Variants in HHIP observed in about 807,000 individuals in gnomAD.
The protein encoded by HHIP is hedgehog interacting protein, also known as hedgehog-interacting protein.
HHIP carries 12 observed loss-of-function variants against 74.0 expected under a neutral mutation model. The ratio of observed to expected loss-of-function variants is 0.16; its 90% CI spans 0.10 to 0.26. The LOEUF (loss-of-function observed/expected upper bound fraction) is 0.26, where lower values mean the gene tolerates loss of function less well. HHIP is among the 10% of genes least tolerant of loss of function. The pLI, the probability that HHIP is intolerant of heterozygous loss-of-function variation, is 1.00. For synonymous variants in HHIP, 309 were observed against 311.6 expected (o/e 0.99, Z 0.09); for missense variants, 788 against 845.0 (o/e 0.93, Z 0.84).
chr4:144,740,187 T>G lies in HHIP; in HGVS notation c.*2230T>G, dbSNP rs1191204723. ...AAACAATAAGGATACTGCTATATAT[T>G]CAGTAAAATCTAAAAAAATCAAGCA... On this transcript the variant is annotated 3_prime_UTR_variant, in exon 13 of 13. Transcript: ENST00000296575. The G allele has an allele frequency of 6.6e-6, 1 of 152,182 alleles. No homozygotes were observed. Among genetic ancestry groups the G allele is most frequent in the Non-Finnish European group, 1.5e-5 (1 of 68,028 alleles). 9.4% of individuals were successfully genotyped at this position (152,182 alleles called of 1,614,324 possible). A position where few individuals can be genotyped will look rare whatever the true frequency, so the allele number is the denominator to read the frequency against.
At chr4:144,731,199 A>G (rs892775076) in intron 11 of HHIP, among the ~76,000 whole-genome samples, 1 of 152,144 alleles carries the variant, frequency 6.6e-6, no homozygotes, top group Admixed American at 6.5e-5. Context: ...ATCTTTACAC[A>G]ACAACATAGA....
In HHIP at chr4:144,659,685, G is replaced by A; in HGVS notation, c.678G>A (p.Leu226=). Reference sequence around the variant, plus strand: ...GTATTCAGGAGGTTGTGAGTGGGCTGCGGCAGCCCGTTGGTGCCCTGCATA... The same window carrying A: ...GTATTCAGGAGGTTGTGAGTGGGCTACGGCAGCCCGTTGGTGCCCTGCATA... The part of the protein sequence containing the change: ...CFCIQEVVSG[L]RQPVGALHSG... Residue 226 remains leucine, a synonymous_variant, in exon 4 of 13, where the codon CTG becomes CTA. Coordinates refer to ENST00000296575, the MANE Select transcript of HHIP (RefSeq NM_022475.3). 1 of 1,568,260 alleles carries A rather than the reference G, an allele frequency of 6.4e-7. No homozygotes were observed. Among genetic ancestry groups the A allele is most frequent in the Non-Finnish European group, 8.6e-7 (1 of 1,162,026 alleles).
chr4:144,671,690 G>A (rs1010102503), intron 4 of HHIP, among the ~76,000 whole-genome samples: 2 of 152,092 alleles, frequency 1.3e-5, no homozygotes, highest in African/African-American at 4.8e-5. Context: ...TGAAGTCAAA[G>A]GACTAGGCTA....
chr4:144,663,032 T>G (rs1356074843), intron 4 of HHIP, among the ~76,000 whole-genome samples: 1 of 152,172 alleles, frequency 6.6e-6, no homozygotes, highest in Non-Finnish European at 1.5e-5. Context: ...ATGCCTGTAA[T>G]TCCAACACTT....
intron 2 of HHIP, among the ~76,000 whole-genome samples, chr4:144,654,471 G>C (rs977173733): frequency 1.3e-5 from 2 of 152,130 alleles, no homozygotes; most frequent in Admixed American, 6.5e-5. Flanking sequence ...ACTCTGGAAG[G>C]CTTTACTGAC....
chr4:144,669,757 A>T (rs2126604276), intron 4 of HHIP, among the ~76,000 whole-genome samples: 1 of 152,152 alleles, frequency 6.6e-6, no homozygotes, highest in East Asian at 1.9e-4. Flanking sequence ...GCATTATTTT[A>T]AAATATCTTA....
intron 7 of HHIP, 36 bp from the exon 8 acceptor site, chr4:144,711,914 G>C: frequency 6.3e-7 from 1 of 1,594,372 alleles, no homozygotes; most frequent in Non-Finnish European, 8.5e-7. Context: ...AAAAGATCAC[G>C]GTAGGAATTA....
In HHIP at chr4:144,743,302, T is replaced by C. The variant is rs1432413124; in HGVS notation, c.*5345T>C. ...GAGATTAGGACTTTTCTTAAATTCCTCATTAAATATGAACCTAAGGCATAC... is the reference window on the plus strand; with the variant it reads ...GAGATTAGGACTTTTCTTAAATTCCCCATTAAATATGAACCTAAGGCATAC... On this transcript the variant is annotated 3_prime_UTR_variant, in exon 13 of 13. Coordinates refer to ENST00000296575, the MANE Select transcript of HHIP (RefSeq NM_022475.3). The C allele has an allele frequency of 6.6e-6, 1 of 151,682 alleles. No homozygotes were observed. The highest frequency in any genetic ancestry group is 2.4e-5 in the African/African-American group (1 of 41,344). 9.4% of individuals were successfully genotyped at this position (151,682 alleles called of 1,614,324 possible). A position where few individuals can be genotyped will look rare whatever the true frequency, so the allele number is the denominator to read the frequency against.
At position 144,723,791 on chromosome 4, in the gene HHIP, T is replaced by G. The variant is rs530249414; in HGVS notation, c.1760+4835T>G. Among the ~76,000 whole-genome samples the G allele has an allele frequency of 1.8e-4, 28 of 152,328 alleles. No individual in the cohort carries two copies. In the East Asian group the frequency reaches 4.6e-3, roughly 25 times the overall value. On this transcript the variant is annotated intron_variant, in intron 11 of 12. Transcript: ENST00000296575. ...TAGTTTTCAAACATGACAGAATTTC[T>G]TAACACTAGAGGTCATGAACAAGTA...
intron 2 of HHIP, among the ~76,000 whole-genome samples, chr4:144,653,486 A>G (rs1728479360): frequency 6.6e-6 from 1 of 152,184 alleles, no homozygotes; most frequent in Non-Finnish European, 1.5e-5. Flanking sequence ...TTTGGACTCC[A>G]ATAAGCTTAT....
At chr4:144,702,678 GTT>G (rs530192528) in intron 4 of HHIP, among the ~76,000 whole-genome samples, 2 of 142,084 alleles carry the variant, frequency 1.4e-5, no homozygotes, top group Non-Finnish European at 3.1e-5. Context: ...TCAGTAAGTT[GTT>G]TTTTTTTTTT....
At chr4:144,726,778 C>T (rs1258257138) in intron 11 of HHIP, among the ~76,000 whole-genome samples, 8 of 152,178 alleles carry the variant, frequency 5.3e-5, no homozygotes, top group Non-Finnish European at 8.8e-5. Flanking sequence ...TCAACTGAGC[C>T]GTCAATGAAA....
intron 1 of HHIP, among the ~76,000 whole-genome samples, chr4:144,652,229 G>A (rs1384007169): frequency 1.3e-5 from 2 of 152,002 alleles, no homozygotes; most frequent in Non-Finnish European, 1.5e-5. Flanking sequence ...TTTTGCATGC[G>A]ATTGGACAAA....
chr4:144,703,796 C>T (rs908595531), intron 4 of HHIP, among the ~76,000 whole-genome samples: 4 of 152,196 alleles, frequency 2.6e-5, no homozygotes, highest in African/African-American at 9.7e-5. Context: ...ACAGCTGAAG[C>T]AACCTTAAAT....
chr4:144,652,855 C>A, intron 2 of HHIP, 58 bp downstream of exon 2: 1 of 1,128,982 alleles, frequency 8.9e-7, no homozygotes, highest in Admixed American at 2.7e-5. Flanking sequence ...TTGTAAGATA[C>A]TTGTACTTAA....
chr4:144,685,209 G>C (rs115068542), intron 4 of HHIP, among the ~76,000 whole-genome samples: 1 of 152,120 alleles, frequency 6.6e-6, no homozygotes, highest in Non-Finnish European at 1.5e-5. Context: ...TTTCTCCTCT[G>C]TTCAAGCTCA....
intron 4 of HHIP, among the ~76,000 whole-genome samples, chr4:144,668,728 G>C (rs981569808): frequency 2.0e-5 from 3 of 152,142 alleles, no homozygotes; most frequent in Non-Finnish European, 4.4e-5. Context: ...CTCCAGCCTG[G>C]TGACAGAGCA....
chr4:144,653,893 C>G (rs1728491857), intron 2 of HHIP, among the ~76,000 whole-genome samples: 1 of 152,068 alleles, frequency 6.6e-6, no homozygotes, highest in African/African-American at 2.4e-5. Context: ...TAAACCACAG[C>G]CATGTTTCTA....
intron 4 of HHIP, chr4:144,661,407 C>T (rs1402171225): frequency 6.6e-6 from 1 of 152,178 alleles, no homozygotes; most frequent in Non-Finnish European, 1.5e-5. Context: ...CTAAAATATA[C>T]TTCAAAACCT....
Sources: allele counts gnomAD v4.1 joint callset (sites outside exome capture counted in the v4.1 genomes callset), GRCh38; gene constraint gnomAD v4.1.1; transcripts MANE v1.5; gene names NCBI Gene and HGNC (gene_info 2026-07-23, HGNC 2026-07-21).